RBFOX1: variants seen among roughly 807,000 people sequenced by gnomAD.
RBFOX1 encodes RNA binding fox-1 homolog 1, also known as RNA binding protein fox-1 homolog 1.
In RBFOX1, 8 loss-of-function variants were observed where a neutral mutation model predicts 57.7. The observed-to-expected ratio is 0.14, with a 90% CI of 0.08 to 0.25. The LOEUF (loss-of-function observed/expected upper bound fraction) is 0.25. RBFOX1 is among the 10% of genes least tolerant of loss of function. RBFOX1 has a pLI of 1.00. For missense variants in RBFOX1, 611 were observed against 548.5 expected (o/e 1.11, Z -1.14); for synonymous variants, 326 against 222.4 (o/e 1.47, Z -4.15).
chr16:6,725,182 C>T (rs933923329), intron 3 of RBFOX1, among the ~76,000 whole-genome samples: 3 of 151,012 alleles, frequency 2.0e-5, no homozygotes, highest in Non-Finnish European at 2.9e-5. Context: ...TCCCGAGTAA[C>T]TGGGACTGCA....
At chr16:6,319,021 T>A (rs2081441326) in intron 2 of RBFOX1, among the ~76,000 whole-genome samples, 1 of 152,026 alleles carries the variant, frequency 6.6e-6, no homozygotes. Context: ...CGCCTGGTTA[T>A]CAGGAAGGCA....
chr16:6,968,455 C>G (rs2084781906), intron 3 of RBFOX1, among the ~76,000 whole-genome samples: 1 of 152,156 alleles, frequency 6.6e-6, no homozygotes, highest in Admixed American at 6.5e-5. Context: ...CTGCCTGACG[C>G]TATCCGGACC....
chr16:6,691,171 G>A (rs1202840935), intron 3 of RBFOX1, among the ~76,000 whole-genome samples: 3 of 152,160 alleles, frequency 2.0e-5, no homozygotes, highest in Non-Finnish European at 4.4e-5. Context: ...GTATCAAAAA[G>A]TGTCTGCTAT....
intron 3 of RBFOX1, among the ~76,000 whole-genome samples, chr16:5,720,811 C>G (rs74249200): frequency 0.081 from 12,278 of 152,204 alleles, 764 homozygotes; most frequent in East Asian, 0.31. Context: ...TAGGCTAGTA[C>G]CATACTATCT....
At chr16:7,263,255 C>T (rs2094992683) in intron 4 of RBFOX1, among the ~76,000 whole-genome samples, 1 of 152,184 alleles carries the variant, frequency 6.6e-6, no homozygotes, top group African/African-American at 2.4e-5. Context: ...AGGCACACAT[C>T]CTTAGTACCC....
In RBFOX1 at chr16:5,865,926, G is replaced by A. The variant is rs184254946; in HGVS notation, c.319-1377G>A. On this transcript the variant is annotated intron_variant, in intron 3 of 19. Coordinates refer to the RBFOX1 transcript ENST00000641259. ...GGAGAGAGAGAGAGAGGGAGAGAGG[G>A]AGAGAGAGAAAGAAAGTAAGTTCTC... is the stretch of plus-strand genomic sequence containing the variant. Among the ~76,000 whole-genome samples, 466 of 152,048 alleles carry A rather than the reference G, an allele frequency of 3.1e-3. 4 individuals are homozygous for A. Among genetic ancestry groups the A allele is most frequent in the African/African-American group, 0.011 (456 of 41,458 alleles).
At chr16:6,859,701 G>T (rs568086356) in intron 3 of RBFOX1, among the ~76,000 whole-genome samples, 1 of 152,050 alleles carries the variant, frequency 6.6e-6, no homozygotes, top group Non-Finnish European at 1.5e-5. Context: ...AATCGACTAC[G>T]GTATCAGCAA....
intron 1 of RBFOX1, among the ~76,000 whole-genome samples, chr16:5,272,386 A>G (rs187223704): frequency 7.0e-4 from 106 of 152,358 alleles, no homozygotes; most frequent in African/African-American, 2.4e-3. Context: ...ACTTGTTCAA[A>G]GCCCCATTTG....
chr16:7,547,049 C>G (rs1432250729), intron 5 of RBFOX1, among the ~76,000 whole-genome samples: 1 of 152,082 alleles, frequency 6.6e-6, no homozygotes, highest in Non-Finnish European at 1.5e-5. Context: ...TGTCCTGTCT[C>G]CTGCACTCAC....
rs117012987 is a variant in RBFOX1 at position 7,006,535 on chromosome 16, G to A, written c.-15-45522G>A. ...TATGATCACAGCTCACTGTAGCCTC[G>A]AACTCCTGGGCTCAAGCAGTCCTCC... On this transcript the variant is annotated intron_variant, in intron 3 of 15. Transcript: ENST00000550418. Among the ~76,000 whole-genome samples the A allele has an allele frequency of 1.1e-3, 171 of 152,082 alleles. 2 individuals are homozygous for A. The East Asian group carries it at 0.031, about 28-fold the overall frequency.
intron 4 of RBFOX1, among the ~76,000 whole-genome samples, chr16:7,313,771 C>G (rs2096375276): frequency 1.3e-5 from 2 of 152,032 alleles, no homozygotes; most frequent in Admixed American, 1.3e-4. Flanking sequence ...GAATCCAAGG[C>G]TTAGGTGGGA....
At chr16:6,251,645 ACT>A (rs1424867492) in intron 1 of RBFOX1, among the ~76,000 whole-genome samples, 1 of 152,024 alleles carries the variant, frequency 6.6e-6, no homozygotes, top group Admixed American at 6.5e-5. Flanking sequence ...GCCAGCTAAA[ACT>A]CTGCTCGAAG....
intron 4 of RBFOX1, among the ~76,000 whole-genome samples, chr16:7,270,837 C>T (rs968877267): frequency 6.6e-6 from 1 of 152,148 alleles, no homozygotes; most frequent in African/African-American, 2.4e-5. Context: ...TCTGAGCCAA[C>T]TCTCTAAAAC....
At chr16:7,563,047 A>G (rs2090790527) in intron 5 of RBFOX1, among the ~76,000 whole-genome samples, 1 of 152,130 alleles carries the variant, frequency 6.6e-6, no homozygotes, top group African/African-American at 2.4e-5. Context: ...CCATGTAGGG[A>G]CTAAACATCC....
chr16:7,621,039 G>T (rs376198580), intron 10 of RBFOX1, among the ~76,000 whole-genome samples: 1 of 151,944 alleles, frequency 6.6e-6, no homozygotes, highest in South Asian at 2.1e-4. Context: ...AGAGTCTCAG[G>T]CCCCACCCCA....
intron 1 of RBFOX1, among the ~76,000 whole-genome samples, chr16:6,217,485 T>A (rs2097343440): frequency 6.6e-6 from 1 of 151,820 alleles, no homozygotes; most frequent in Non-Finnish European, 1.5e-5. Context: ...TTGAGGGGAG[T>A]ACCAGGGAAA....
intron 3 of RBFOX1, among the ~76,000 whole-genome samples, chr16:6,944,379 G>T (rs913839220): frequency 2.2e-5 from 3 of 136,506 alleles, no homozygotes; most frequent in African/African-American, 8.2e-5. Context: ...TGGCAACAGA[G>T]CAAGACTCCA....
intron 1 of RBFOX1, among the ~76,000 whole-genome samples, chr16:6,297,042 CT>C (rs1009455981): frequency 1.3e-5 from 2 of 152,136 alleles, no homozygotes; most frequent in Non-Finnish European, 2.9e-5. Context: ...CATGCCTCCC[CT>C]TTTTAGACCA....
intron 2 of RBFOX1, chr16:5,467,297 T>G: frequency 1.4e-6 from 2 of 1,450,656 alleles, no homozygotes; most frequent in Non-Finnish European, 1.9e-6. Flanking sequence ...CTGTGAAGTC[T>G]AGTGGAAATG....
Sources: allele counts gnomAD v4.1 joint callset (sites outside exome capture counted in the v4.1 genomes callset), GRCh38; gene constraint gnomAD v4.1.1; transcripts MANE v1.5; gene names NCBI Gene and HGNC (gene_info 2026-07-23, HGNC 2026-07-21).